GLRA2: variants seen among roughly 807,000 people sequenced by gnomAD.
GLRA2 encodes the protein glycine receptor subunit alpha-2.
In GLRA2, 11 loss-of-function variants were observed where a neutral mutation model predicts 31.6. The ratio of observed to expected loss-of-function variants is 0.35; its 90% CI spans 0.22 to 0.58. The LOEUF is 0.58. Ranked by LOEUF, GLRA2 falls within the 20% of genes least tolerant of loss-of-function variation. The pLI is 0.84. For missense variants in GLRA2, 212 were observed against 351.8 expected (o/e 0.60, Z 3.18); for synonymous variants, 132 against 134.0 (o/e 0.99, Z 0.10).
At chrX:14,695,017 A>G (rs181076382) in intron 8 of GLRA2, among the ~76,000 whole-genome samples, 1 of 112,152 alleles carries the variant, frequency 8.9e-6, no homozygotes, top group African/African-American at 3.2e-5. Flanking sequence ...AGACATCTCG[A>G]TAGAGTTGGC....
chrX:14,486,790 A>G, the GLRA2 span, among the ~76,000 whole-genome samples: 2 of 112,102 alleles, frequency 1.8e-5, no homozygotes, highest in Non-Finnish European at 3.8e-5. Flanking sequence ...TTACCCTATA[A>G]AGTAAAAAAT....
chrX:14,460,149 G>A, the GLRA2 span, among the ~76,000 whole-genome samples: 6 of 111,862 alleles, frequency 5.4e-5, no homozygotes, highest in African/African-American at 2.0e-4. Flanking sequence ...TTTTGTCATT[G>A]GTTCTGTTTA....
chrX:14,618,452 T>C (rs2090478637), intron 7 of GLRA2, among the ~76,000 whole-genome samples: 1 of 112,076 alleles, frequency 8.9e-6, no homozygotes, highest in African/African-American at 3.2e-5. Flanking sequence ...AGAGATATAG[T>C]ATGGTAATGT....
chrX:14,547,349 G>A (rs1277266033), intron 2 of GLRA2, among the ~76,000 whole-genome samples: 1 of 110,941 alleles, frequency 9.0e-6, no homozygotes, highest in Non-Finnish European at 1.9e-5. Context: ...GGTCTCTCAT[G>A]ACCCTTGAAA....
chrX:14,474,079 G>T, the GLRA2 span, among the ~76,000 whole-genome samples: 1 of 111,654 alleles, frequency 9.0e-6, no homozygotes, highest in African/African-American at 3.3e-5. Context: ...ATAATCCTTA[G>T]GCCTAAGTGG....
intron 7 of GLRA2, among the ~76,000 whole-genome samples, chrX:14,660,305 C>G (rs928970262): frequency 9.0e-6 from 1 of 111,190 alleles, no homozygotes; most frequent in African/African-American, 3.3e-5. Context: ...ACATTCCAGG[C>G]AGAGGAAACA....
intron 4 of GLRA2, 46 bp downstream of exon 4, chrX:14,581,452 T>C (rs766469071): frequency 1.4e-6 from 1 of 711,508 alleles, no homozygotes; most frequent in Non-Finnish European, 2.3e-6. Context: ...ATTTCTCCAC[T>C]AATGTAGAGC....
chrX:14,457,600 T>C, the GLRA2 span, among the ~76,000 whole-genome samples: 1 of 112,206 alleles, frequency 8.9e-6, no homozygotes, highest in Non-Finnish European at 1.9e-5. Context: ...AGTCTATCAT[T>C]GATGGGCATT....
intron 2 of GLRA2, among the ~76,000 whole-genome samples, chrX:14,556,524 G>A (rs2089644873): frequency 1.8e-5 from 2 of 111,636 alleles, no homozygotes; most frequent in South Asian, 7.5e-4. Flanking sequence ...TTTTATTATA[G>A]CATAAATAGA....
chrX:14,588,859 CT>C (rs1471215200), intron 4 of GLRA2, among the ~76,000 whole-genome samples: 10 of 110,995 alleles, frequency 9.0e-5, no homozygotes, highest in Non-Finnish European at 1.7e-4. Flanking sequence ...GTATTGTGTT[CT>C]TAATTTTACT....
the GLRA2 span, among the ~76,000 whole-genome samples, chrX:14,502,714 G>C: frequency 9.0e-6 from 1 of 110,504 alleles, no homozygotes; most frequent in Non-Finnish European, 1.9e-5. Flanking sequence ...CATTAACATT[G>C]AACTCATGGC....
chrX:14,727,081 AGGT>A (rs1384740332), intron 8 of GLRA2, among the ~76,000 whole-genome samples: 1 of 112,060 alleles, frequency 8.9e-6, no homozygotes, highest in African/African-American at 3.2e-5. Flanking sequence ...AATATAGAAT[AGGT>A]TGTACATTTT....
chrX:14,640,799 TTATTATG>T (rs764654443), intron 7 of GLRA2, among the ~76,000 whole-genome samples: 3 of 111,551 alleles, frequency 2.7e-5, no homozygotes, highest in African/African-American at 9.7e-5. Flanking sequence ...AGGTTTTAGA[TTATTATG>T]TATTAAATCT....
At chrX:14,551,811 T>C (rs2147027180) in intron 2 of GLRA2, among the ~76,000 whole-genome samples, 1 of 111,475 alleles carries the variant, frequency 9.0e-6, no homozygotes, top group African/African-American at 3.3e-5. Context: ...GTCTGAGACA[T>C]GAAGTCTATA....
At chrX:14,541,344 G>T (rs918369417) in intron 2 of GLRA2, among the ~76,000 whole-genome samples, 1 of 111,443 alleles carries the variant, frequency 9.0e-6, no homozygotes, top group Admixed American at 9.5e-5. Flanking sequence ...TCTGGGAACA[G>T]TTGCTCATTT....
intron 2 of GLRA2, among the ~76,000 whole-genome samples, chrX:14,533,206 A>T (rs923360406): frequency 9.1e-6 from 1 of 110,398 alleles, no homozygotes; most frequent in Non-Finnish European, 1.9e-5. Flanking sequence ...AACATAATGC[A>T]TTGTGAAGTG....
At chrX:14,567,855 A>C (rs1236312683) in intron 2 of GLRA2, among the ~76,000 whole-genome samples, 2 of 112,434 alleles carry the variant, frequency 1.8e-5, no homozygotes. Context: ...GAAAGTTAGA[A>C]AAAAAGCACC....
At chrX:14,468,724 C>G in the GLRA2 span, among the ~76,000 whole-genome samples, 2 of 111,254 alleles carry the variant, frequency 1.8e-5, no homozygotes, top group East Asian at 2.8e-4. Context: ...GTGCTAGATC[C>G]CTGAGGAATC....
chrX:14,713,429 G>A (rs974191718), intron 8 of GLRA2, among the ~76,000 whole-genome samples: 1 of 111,889 alleles, frequency 8.9e-6, no homozygotes, highest in Non-Finnish European at 1.9e-5. Flanking sequence ...CATATGCAAG[G>A]CATTGCTTCT....
Sources: gnomAD v4.1 joint callset for allele counts (sites outside exome capture counted in the v4.1 genomes callset) on GRCh38, gnomAD v4.1.1 for gene constraint, MANE v1.5 for transcripts, NCBI Gene and HGNC (gene_info 2026-07-23, HGNC 2026-07-21) for gene names.